Variants in NBPF9 observed in about 807,000 individuals in gnomAD.
The protein encoded by NBPF9 is NBPF member 9.
Under a neutral mutation model 97.8 loss-of-function variants are expected in NBPF9, and 91 were observed. That is an observed-to-expected ratio of 0.93 (90% CI 0.79 to 1.11). The LOEUF is 1.11. Among genes scored for constraint, NBPF9 ranks in the 50% least tolerant of loss-of-function variants. NBPF9 has a pLI of 0.00. For missense variants in NBPF9, 992 were observed against 939.5 expected (o/e 1.06, Z -0.73); for synonymous variants, 334 against 359.5 (o/e 0.93, Z 0.80).
chr1:149,070,409 C>A (rs587612620), intron 16 of NBPF9, among the ~76,000 whole-genome samples: 5 of 150,788 alleles, frequency 3.3e-5, no homozygotes, highest in African/African-American at 1.2e-4. Flanking sequence ...AACCAGGGTC[C>A]AGCCTTGCTT....
intron 12 of NBPF9, among the ~76,000 whole-genome samples, chr1:149,075,113 A>T (rs1296526353): frequency 6.6e-6 from 1 of 150,782 alleles, no homozygotes; most frequent in Non-Finnish European, 1.5e-5. Flanking sequence ...CATGGCCCCT[A>T]CTCCCTGCTC....
chr1:149,082,334 A>C, exon 6 of NBPF9: 1 of 1,542,992 alleles, frequency 6.5e-7, no homozygotes, highest in Non-Finnish European at 8.7e-7. Context: ...CACAAAAACA[A>C]GGTTTGAGGT....
chr1:149,087,033 G>T (rs373016728), intron 5 of NBPF9, among the ~76,000 whole-genome samples: 4 of 151,428 alleles, frequency 2.6e-5, no homozygotes, highest in Non-Finnish European at 2.9e-5. Context: ...CTCACCAACA[G>T]GTGCTATTTT....
exon 14 of NBPF9, chr1:149,072,748 C>A (rs782661745): frequency 1.9e-6 from 3 of 1,609,922 alleles, no homozygotes; most frequent in Non-Finnish European, 2.5e-6. Flanking sequence ...AGGTGCTGTG[C>A]CAGTCTACAC....
rs1553655715 is a variant in NBPF9 at position 149,079,241 on chromosome 1, A to G, written c.279-20T>C. The G allele has an allele frequency of 8.3e-6, 7 of 841,774 alleles. No individual in the cohort carries two copies. The East Asian group carries it at 1.5e-4, about 18-fold the overall frequency. 52.1% of individuals were successfully genotyped at this position (841,774 alleles called of 1,614,324 possible). ...TATTGCCTAAGGTGAGACGGTAGAG[A>G]AAATTTAAGAGTAGAAAGGGTTGAG... On this transcript the variant is annotated intron_variant, in intron 8 of 29. Coordinates refer to ENST00000584027, the Ensembl canonical transcript of NBPF9.
chr1:149,097,118 G>A, intron 4 of NBPF9, among the ~76,000 whole-genome samples: 1 of 150,024 alleles, frequency 6.7e-6, no homozygotes, highest in African/African-American at 2.5e-5. Flanking sequence ...GGGTGGAAGG[G>A]AAGGAGGGAG....
intron 12 of NBPF9, 72 bp downstream of exon 12, chr1:149,075,583 A>G (rs1461478653): frequency 2.1e-6 from 3 of 1,400,072 alleles, no homozygotes; most frequent in Non-Finnish European, 3.0e-6. Flanking sequence ...TGATGGAGAG[A>G]GCACTTAGTT....
In NBPF9 at chr1:149,071,454, G is replaced by A. The variant is rs1280523288; in HGVS notation, c.1379+150C>T. The stretch of plus-strand genomic sequence containing the variant: ...CACATAGAGAAACATGACAGCTGCC[G>A]CACCCTGTGTCTAAGCTGGGTTCAA... On this transcript the variant is annotated intron_variant, in intron 15 of 29. Transcript: ENST00000584027. 60 of 1,056,114 alleles carry A rather than the reference G, an allele frequency of 5.7e-5. 1 individual carries two copies. Among genetic ancestry groups the A allele is most frequent in the Non-Finnish European group, 7.2e-5 (50 of 693,942 alleles). 65.4% of individuals were successfully genotyped at this position (1,056,114 alleles called of 1,614,324 possible).
chr1:149,059,599 C>T (rs1301171037), intron 25 of NBPF9, 101 bp downstream of exon 25: 2 of 509,506 alleles, frequency 3.9e-6, no homozygotes, highest in East Asian at 5.2e-5. Flanking sequence ...AGTAATTCAG[C>T]CTTCGTTGAA....
At chr1:149,082,967 T>TTTC (rs1488946429) in intron 5 of NBPF9, among the ~76,000 whole-genome samples, 2 of 125,476 alleles carry the variant, frequency 1.6e-5, no homozygotes, top group South Asian at 2.8e-4. Context: ...CTTTTTTTTT[T>TTTC]TTTTTTTTTT....
chr1:149,070,340 A>AG (rs1553652639), intron 16 of NBPF9, among the ~76,000 whole-genome samples: 1 of 146,530 alleles, frequency 6.8e-6, no homozygotes, highest in African/African-American at 2.5e-5. Context: ...AAAAAAAAAA[A>AG]AAAAATCCAC....
At position 149,060,926 on chromosome 1, in the gene NBPF9, AAC is replaced by A. The variant is rs1250985591; in HGVS notation, c.2304-233_2304-232del. On this transcript the variant is annotated intron_variant, in intron 23 of 29. Coordinates refer to ENST00000584027, the Ensembl canonical transcript of NBPF9. ...ACACACACACACACACACACACACA[AAC>A]ACACACACACAGAGAACGAGCTCAG... 9.5e-4 allele frequency: 276 copies of A among 290,656 alleles called. 1 individual carries two copies. Among genetic ancestry groups the A allele is most frequent in the East Asian group, 1.7e-3 (27 of 15,958 alleles). 18.0% of individuals were successfully genotyped at this position (290,656 alleles called of 1,614,324 possible).
chr1:149,062,819 G>T (rs782114848), intron 21 of NBPF9, 43 bp downstream of exon 21: 2 of 704,032 alleles, frequency 2.8e-6, no homozygotes, highest in South Asian at 1.5e-5. Context: ...GGCATCTCCA[G>T]GTGTCAACAC....
rs80327487 is a variant in NBPF9, at chr1:149,077,734, G to A, written c.566+149C>T. 4.1e-4 allele frequency: 392 copies of A among 950,638 alleles called. 1 individual carries two copies. The highest frequency in any genetic ancestry group is 3.5e-3 in the African/African-American group (218 of 62,408). The allele number at this position is 950,638 out of a possible 1,614,324, so 58.9% of individuals were successfully genotyped here. A position where few individuals can be genotyped will look rare whatever the true frequency, so the allele number is the denominator to read the frequency against. On this transcript the variant is annotated intron_variant, in intron 10 of 29. Transcript: ENST00000584027. ...CACATAGAGAAACACGACAGCTGCC[G>A]CACCCTGTGTCTAAGCTGGGTTCAA...
chr1:149,103,201 C>G (rs1370851729), intron 1 of NBPF9, 100 bp downstream of exon 1: 2 of 150,912 alleles, frequency 1.3e-5, no homozygotes, highest in African/African-American at 4.8e-5. Context: ...CCTCGCCCTC[C>G]GTCGCTCGCA....
exon 14 of NBPF9, chr1:149,072,782 G>A (rs782556716): frequency 2.5e-6 from 4 of 1,582,430 alleles, no homozygotes; most frequent in Non-Finnish European, 3.5e-6. Context: ...GTTCTTGGAG[G>A]TCCTGCCCCT....
At chr1:149,087,990 C>A (rs879971167) in intron 5 of NBPF9, among the ~76,000 whole-genome samples, 2 of 150,644 alleles carry the variant, frequency 1.3e-5, no homozygotes, top group East Asian at 2.0e-4. Context: ...TGCCACCACG[C>A]CTAGCTAATT....
In NBPF9 at chr1:149,064,035, C is replaced by CACAA. The variant is rs1357284871; in HGVS notation, c.1854-231_1854-230insTTGT. ...AGACACAGACACACACACACACACA[C>CACAA]ACAGAGCGAGCTGAGTGATTTGGTC... On this transcript the variant is annotated intron_variant, in intron 19 of 29. Transcript: ENST00000584027. 1.4e-4 allele frequency among the ~76,000 whole-genome samples: 19 copies of CACAA among 133,080 alleles called. 1 individual carries two copies. Among genetic ancestry groups the CACAA allele is most frequent in the Non-Finnish European group, 1.6e-4 (10 of 61,928 alleles). The allele number at this position is 133,080 out of a possible 152,430, so 87.3% of individuals were successfully genotyped here.
At chr1:149,092,266 GAGA>G (rs2081458898) in intron 4 of NBPF9, among the ~76,000 whole-genome samples, 2 of 131,276 alleles carry the variant, frequency 1.5e-5, no homozygotes, top group Non-Finnish European at 3.3e-5. Context: ...TGGCTGGTTG[GAGA>G]AGATGAAGTC....
Sources: allele counts gnomAD v4.1 joint callset (sites outside exome capture counted in the v4.1 genomes callset), GRCh38; gene constraint gnomAD v4.1.1; transcripts MANE v1.5; gene names NCBI Gene and HGNC (gene_info 2026-07-23, HGNC 2026-07-21).